DPP8: variants seen among roughly 807,000 people sequenced by gnomAD.
The protein encoded by DPP8 is DPP VIII.
Under a neutral mutation model 107.5 loss-of-function variants are expected in DPP8, and 31 were observed. The observed-to-expected ratio is 0.29, with a 90% CI of 0.22 to 0.39. DPP8 has a LOEUF of 0.39. Among genes scored for constraint, DPP8 ranks in the 10% least tolerant of loss-of-function variants. The pLI, the probability that DPP8 is intolerant of heterozygous loss-of-function variation, is 1.00. For missense variants in DPP8, 842 were observed against 1,076.1 expected (o/e 0.78, Z 3.04); for synonymous variants, 381 against 356.6 (o/e 1.07, Z -0.77).
rs2069125910 is a variant in DPP8, at chr15:65,500,682, T to C, written c.470A>G (p.Gln157Arg). 2 of 1,613,964 alleles carry C rather than the reference T, an allele frequency of 1.2e-6. No individual in the cohort carries two copies. The highest frequency in any genetic ancestry group is 4.5e-5 in the East Asian group (2 of 44,874). ...TVGIASYDYHQGSGTFLFQAG... is the reference protein window; with the variant it reads ...TVGIASYDYHRGSGTFLFQAG... ...TTGAAACAGAAATGTTCCACTTCCT[T>C]GGTGATAATCGTAAGAAGCAATTCC... The change falls in exon 4 of 20, where the codon CAA (glutamine) becomes CGA (arginine). Residue 157 changes from glutamine (Q) to arginine (R), a missense_variant. Physicochemically the swap from Gln to Arg is conservative, Grantham distance 43. This residue lies in a region of DPP8 where 663 missense variants were observed against 758.0 expected (regional missense o/e 0.87). Transcript: ENST00000300141.
chr15:65,485,098 C>A lies in DPP8; in HGVS notation c.1017+1G>T. ...AGGTCAACTCAGCATTTTATACTTA[C>A]CCTTCCTTCAGCATCAATCATTATT... On this transcript the variant is annotated splice_donor_variant, in intron 8 of 19. Coordinates refer to ENST00000300141, the MANE Select transcript of DPP8 (RefSeq NM_130434.5). LOFTEE classifies it high-confidence loss of function. 1 of 1,607,182 alleles carries A rather than the reference C, an allele frequency of 6.2e-7. No homozygotes were observed. Among genetic ancestry groups the A allele is most frequent in the Non-Finnish European group, 8.5e-7 (1 of 1,173,752 alleles).
rs376505425 is a variant in DPP8, at chr15:65,495,557, T to G, written c.715+2307A>C. 2.0e-5 allele frequency among the ~76,000 whole-genome samples: 3 copies of G among 152,080 alleles called. No individual in the cohort carries two copies. In the East Asian group the frequency reaches 5.8e-4, roughly 29 times the overall value. ...AGGCAGAGGTTACAGTGAGCTGAGATAGCCCACTGCACTCCAGCCTGGGCA... is the reference window on the plus strand; with the variant it reads ...AGGCAGAGGTTACAGTGAGCTGAGAGAGCCCACTGCACTCCAGCCTGGGCA... On this transcript the variant is annotated intron_variant, in intron 5 of 19. Coordinates refer to ENST00000300141, the MANE Select transcript of DPP8 (RefSeq NM_130434.5).
At chr15:65,514,756 C>T (rs1316674137) in intron 1 of DPP8, among the ~76,000 whole-genome samples, 3 of 152,280 alleles carry the variant, frequency 2.0e-5, no homozygotes, top group East Asian at 1.9e-4. Flanking sequence ...ATGATCCACC[C>T]GCCTTGGCCT....
At chr15:65,450,051 T>A (rs2063859964) in intron 19 of DPP8, among the ~76,000 whole-genome samples, 1 of 151,468 alleles carries the variant, frequency 6.6e-6, no homozygotes, top group Non-Finnish European at 1.5e-5. Context: ...GATCGCAACC[T>A]CTGCCTCCCC....
At chr15:65,508,808 C>T (rs558041571) in intron 2 of DPP8, among the ~76,000 whole-genome samples, 1 of 151,766 alleles carries the variant, frequency 6.6e-6, no homozygotes, top group South Asian at 2.1e-4. Flanking sequence ...ACCGAGATCA[C>T]GCCACTGCAC....
chr15:65,480,439 A>T (rs751641889), intron 9 of DPP8, 40 bp from the exon 10 acceptor site: 1 of 1,498,762 alleles, frequency 6.7e-7, no homozygotes, highest in Non-Finnish European at 9.1e-7. Flanking sequence ...GAAATAAAGC[A>T]AGCTATCAGA....
At chr15:65,510,018 T>C (rs938743530) in intron 2 of DPP8, among the ~76,000 whole-genome samples, 5 of 149,454 alleles carry the variant, frequency 3.3e-5, no homozygotes, top group Non-Finnish European at 7.4e-5. Flanking sequence ...GAGACCGCCA[T>C]CTCAAAAAAA....
At chr15:65,468,649 T>C (rs181803235) in intron 12 of DPP8, among the ~76,000 whole-genome samples, 102 of 152,238 alleles carry the variant, frequency 6.7e-4, no homozygotes, top group African/African-American at 2.4e-3. Flanking sequence ...ATCAACACAG[T>C]TGGGATTAAG....
intron 8 of DPP8, among the ~76,000 whole-genome samples, chr15:65,482,649 T>A (rs183160803): frequency 6.6e-6 from 1 of 152,286 alleles, no homozygotes; most frequent in Non-Finnish European, 1.5e-5. Flanking sequence ...GTAAACACAA[T>A]TTAAAAAATA....
chr15:65,496,002 T>A (rs1293679400), intron 5 of DPP8, among the ~76,000 whole-genome samples: 1 of 151,918 alleles, frequency 6.6e-6, no homozygotes. Context: ...TTTTTTTTTT[T>A]AGACGGAGTG....
At chr15:65,512,126 G>A (rs1258902619) in intron 2 of DPP8, 169 bp downstream of exon 2, 1 of 758,142 alleles carries the variant, frequency 1.3e-6, no homozygotes, top group Non-Finnish European at 2.3e-6. Flanking sequence ...TAAAAATAAA[G>A]TTAATGCGAT....
chr15:65,501,604 T>C (rs982727206), intron 3 of DPP8, among the ~76,000 whole-genome samples: 4 of 152,228 alleles, frequency 2.6e-5, no homozygotes, highest in African/African-American at 9.6e-5. Flanking sequence ...GCACAATGAC[T>C]GACACAGAGT....
At chr15:65,502,436 AG>A (rs1294614849) in intron 3 of DPP8, among the ~76,000 whole-genome samples, 1 of 152,008 alleles carries the variant, frequency 6.6e-6, no homozygotes, top group Admixed American at 6.6e-5. Flanking sequence ...CCAGTACTTT[AG>A]GAGGTCAAGG....
At chr15:65,483,466 G>A (rs1431589051) in intron 8 of DPP8, among the ~76,000 whole-genome samples, 1 of 152,056 alleles carries the variant, frequency 6.6e-6, no homozygotes, top group Non-Finnish European at 1.5e-5. Flanking sequence ...AGGCTGGGTT[G>A]AGCTGTAATT....
At chr15:65,470,605 C>A (rs371408265) in intron 12 of DPP8, among the ~76,000 whole-genome samples, 699 of 104,346 alleles carry the variant, frequency 6.7e-3, no homozygotes, top group Middle Eastern at 0.011. Flanking sequence ...AGACTTGTCT[C>A]AAAAAAAAAA....
At chr15:65,501,254 A>T (rs1283748339) in intron 3 of DPP8, among the ~76,000 whole-genome samples, 1 of 152,102 alleles carries the variant, frequency 6.6e-6, no homozygotes, top group African/African-American at 2.4e-5. Context: ...TTTGCTGGCA[A>T]CTTTAAGCAG....
intron 2 of DPP8, among the ~76,000 whole-genome samples, chr15:65,509,830 G>A (rs1028879835): frequency 6.6e-6 from 1 of 152,040 alleles, no homozygotes; most frequent in Non-Finnish European, 1.5e-5. Context: ...AGATGAGCCT[G>A]AGCAACATGG....
chr15:65,465,642 G>A (rs1344591284), intron 14 of DPP8, among the ~76,000 whole-genome samples: 5 of 143,922 alleles, frequency 3.5e-5, no homozygotes, highest in African/African-American at 7.8e-5. Context: ...TGCAACCTCC[G>A]CCTCCTGGGT....
intron 5 of DPP8, among the ~76,000 whole-genome samples, chr15:65,491,501 G>A (rs1013220549): frequency 2.6e-5 from 4 of 152,092 alleles, no homozygotes; most frequent in Non-Finnish European, 5.9e-5. Flanking sequence ...AACAATCACT[G>A]ATCTGATTTC....
Sources: allele counts gnomAD v4.1 joint callset (sites outside exome capture counted in the v4.1 genomes callset), GRCh38; gene constraint gnomAD v4.1.1; regional missense constraint gnomAD v4.1.1; transcripts MANE v1.5; gene names NCBI Gene and HGNC (gene_info 2026-07-23, HGNC 2026-07-21).